WWOX: variants seen among roughly 807,000 people sequenced by gnomAD.
The protein encoded by WWOX is WW domain containing oxidoreductase.
Under a neutral mutation model 46.2 loss-of-function variants are expected in WWOX, and 69 were observed. The ratio of observed to expected loss-of-function variants is 1.49; its 90% CI spans 1.23 to 1.82. The LOEUF is 1.82. Among genes scored for constraint, WWOX ranks in the 40% most tolerant of loss-of-function variants. The pLI, the probability that WWOX is intolerant of heterozygous loss-of-function variation, is 0.00. For synonymous variants in WWOX, 359 were observed against 202.6 expected, an observed-to-expected ratio of 1.77 and a Z score of -6.56; for missense variants, 919 against 542.6, an observed-to-expected ratio of 1.69 and a Z score of -6.89.
chr16:78,723,707 G>A (rs546302408), intron 8 of WWOX, among the ~76,000 whole-genome samples: 1 of 135,016 alleles, frequency 7.4e-6, no homozygotes, highest in Non-Finnish European at 1.6e-5. Flanking sequence ...GCTAATCCGG[G>A]CATTGGAGTG....
intron 8 of WWOX, among the ~76,000 whole-genome samples, chr16:78,943,418 C>T: frequency 6.6e-6 from 1 of 152,106 alleles, no homozygotes. Flanking sequence ...CCAGATAACC[C>T]ATCCAGACCT....
intron 8 of WWOX, among the ~76,000 whole-genome samples, chr16:79,109,054 T>C (rs1168330528): frequency 6.6e-6 from 1 of 152,134 alleles, no homozygotes; most frequent in Non-Finnish European, 1.5e-5. Context: ...GAGTGTGTTG[T>C]CTTTGTGTCC....
chr16:79,023,994 C>G (rs540392503), intron 8 of WWOX, among the ~76,000 whole-genome samples: 1 of 151,926 alleles, frequency 6.6e-6, no homozygotes, highest in African/African-American at 2.4e-5. Context: ...GTGAAAGAAA[C>G]CAGATGCAAA....
intron 8 of WWOX, among the ~76,000 whole-genome samples, chr16:78,751,644 G>C (rs1402981254): frequency 4.6e-5 from 7 of 151,698 alleles, no homozygotes; most frequent in Non-Finnish European, 8.8e-5. Flanking sequence ...AATAGAGTTT[G>C]ATATTAAACA....
chr16:78,857,979 G>C (rs949633589), intron 8 of WWOX, among the ~76,000 whole-genome samples: 1 of 152,062 alleles, frequency 6.6e-6, no homozygotes, highest in Non-Finnish European at 1.5e-5. Context: ...GCGTTATTTT[G>C]TGTGCATACA....
intron 8 of WWOX, among the ~76,000 whole-genome samples, chr16:79,175,575 G>A (rs563048799): frequency 6.6e-6 from 1 of 152,252 alleles, no homozygotes; most frequent in East Asian, 1.9e-4. Context: ...GAATCCCAGG[G>A]AGTGGAAAAT....
intron 8 of WWOX, among the ~76,000 whole-genome samples, chr16:78,719,872 C>T (rs1270171027): frequency 2.0e-5 from 3 of 152,086 alleles, no homozygotes; most frequent in Non-Finnish European, 4.4e-5. Flanking sequence ...CATTTATTGG[C>T]AGTATTTTTC....
At chr16:78,186,213 A>C (rs1456073527) in intron 5 of WWOX, among the ~76,000 whole-genome samples, 1 of 152,048 alleles carries the variant, frequency 6.6e-6, no homozygotes, top group Non-Finnish European at 1.5e-5. Flanking sequence ...AATATCATTG[A>C]AGTTCATTTA....
intron 8 of WWOX, among the ~76,000 whole-genome samples, chr16:79,017,696 T>A (rs561910048): frequency 2.0e-5 from 3 of 152,294 alleles, no homozygotes; most frequent in South Asian, 2.1e-4. Flanking sequence ...CATGAAATTA[T>A]ATTTTTTTGA....
chr16:79,027,685 C>T (rs1052066171), intron 8 of WWOX, among the ~76,000 whole-genome samples: 1 of 151,978 alleles, frequency 6.6e-6, no homozygotes, highest in Non-Finnish European at 1.5e-5. Flanking sequence ...CTTGGAGATA[C>T]TTATCTCCTC....
chr16:78,513,134 G>C lies in WWOX; in HGVS notation c.1056+80382G>C, dbSNP rs186227624. 2.2e-4 allele frequency among the ~76,000 whole-genome samples: 34 copies of C among 152,248 alleles called. No homozygotes were observed. The East Asian group carries it at 6.2e-3, about 28-fold the overall frequency. ...TATTTTCATTCTCTCCGTTGGTCATGGCCCATTGAATTTTGATGATAGCAT... is the reference window on the plus strand; with the variant it reads ...TATTTTCATTCTCTCCGTTGGTCATCGCCCATTGAATTTTGATGATAGCAT... On this transcript the variant is annotated intron_variant, in intron 8 of 8. Transcript: ENST00000566780.
At chr16:78,881,116 C>T (rs946237229) in intron 8 of WWOX, among the ~76,000 whole-genome samples, 4 of 151,760 alleles carry the variant, frequency 2.6e-5, no homozygotes, top group African/African-American at 9.7e-5. Context: ...CTCAGCCTCC[C>T]AAGGGAGCTG....
intron 8 of WWOX, among the ~76,000 whole-genome samples, chr16:78,579,086 A>T (rs1381624819): frequency 6.6e-6 from 1 of 151,820 alleles, no homozygotes; most frequent in East Asian, 1.9e-4. Context: ...CCACTTCATC[A>T]TGTTTGGTCT....
rs1597118145 is a variant in WWOX, at chr16:78,371,725, T to G, written c.517-15135T>G. Among the ~76,000 whole-genome samples, 4 of 152,348 alleles carry G rather than the reference T, an allele frequency of 2.6e-5. No individual in the cohort carries two copies. In the South Asian group the frequency reaches 8.3e-4, roughly 32 times the overall value. ...TTTTATTTTTATTTTGCCTAAAATT[T>G]TATTTTTATGTTAATATTTGCTATA... On this transcript the variant is annotated intron_variant, in intron 5 of 8. Transcript: ENST00000566780.
chr16:78,952,077 C>T (rs145651196), intron 8 of WWOX, among the ~76,000 whole-genome samples: 2 of 152,162 alleles, frequency 1.3e-5, no homozygotes, highest in East Asian at 1.9e-4. Flanking sequence ...ACCTACAATC[C>T]CTCGACCCAG....
At chr16:78,926,905 T>A (rs930466401) in intron 8 of WWOX, among the ~76,000 whole-genome samples, 1 of 152,138 alleles carries the variant, frequency 6.6e-6, no homozygotes, top group African/African-American at 2.4e-5. Context: ...CAAGTGATCC[T>A]CCCACCTCAG....
chr16:79,191,207 C>A (rs1464535983), intron 8 of WWOX, among the ~76,000 whole-genome samples: 2 of 152,072 alleles, frequency 1.3e-5, no homozygotes, highest in Non-Finnish European at 2.9e-5. Context: ...GCACCTGCCA[C>A]CACACCTGGC....
At chr16:78,578,590 A>T (rs1429672977) in intron 8 of WWOX, among the ~76,000 whole-genome samples, 2 of 151,934 alleles carry the variant, frequency 1.3e-5, no homozygotes, top group African/African-American at 4.8e-5. Context: ...GGCTGGCGAA[A>T]ATTATATATT....
intron 8 of WWOX, among the ~76,000 whole-genome samples, chr16:79,179,896 G>T (rs1464086852): frequency 1.3e-5 from 2 of 152,304 alleles, no homozygotes; most frequent in South Asian, 2.1e-4. Flanking sequence ...ATTTAGGTTG[G>T]AATTACAGCA....
Sources: gnomAD v4.1 joint callset for allele counts (sites outside exome capture counted in the v4.1 genomes callset) on GRCh38, gnomAD v4.1.1 for gene constraint, MANE v1.5 for transcripts, NCBI Gene and HGNC (gene_info 2026-07-23, HGNC 2026-07-21) for gene names.